PTPRQ: variants seen among roughly 807,000 people sequenced by gnomAD.
PTPRQ encodes protein tyrosine phosphatase receptor type Q, also known as phosphatidylinositol phosphatase PTPRQ.
In PTPRQ, 199 loss-of-function variants were observed where a neutral mutation model predicts 246.0. That is an observed-to-expected ratio of 0.81 (90% CI 0.72 to 0.91). The LOEUF (loss-of-function observed/expected upper bound fraction) is 0.91, where lower values mean the gene tolerates loss of function less well. Ranked by LOEUF, PTPRQ falls within the 40% of genes least tolerant of loss-of-function variation. PTPRQ has a pLI of 0.00. For missense variants in PTPRQ, 2,624 were observed against 2,528.4 expected, an observed-to-expected ratio of 1.04 and a Z score of -0.81; for synonymous variants, 869 against 853.2, an observed-to-expected ratio of 1.02 and a Z score of -0.32.
chr12:80,467,860 G>T (rs1335718800), intron 6 of PTPRQ, among the ~76,000 whole-genome samples: 2 of 152,096 alleles, frequency 1.3e-5, no homozygotes, highest in African/African-American at 4.8e-5. Context: ...ACTGTTGTGG[G>T]GTGGGGGCAG....
At position 80,644,490 on chromosome 12, in the gene PTPRQ, A is replaced by T. The variant is rs544138635; in HGVS notation, c.5916-4407A>T. On this transcript the variant is annotated intron_variant, in intron 35 of 44. Transcript: ENST00000644991. The stretch of plus-strand genomic sequence containing the variant: ...AACAGTTTTTTTTTAAGTTTTTAAA[A>T]TGTTAATAAAAAGTTTTCTATTTGA... 9.9e-5 allele frequency among the ~76,000 whole-genome samples: 15 copies of T among 152,210 alleles called. No homozygotes were observed. The South Asian group carries it at 2.9e-3, about 29-fold the overall frequency.
chr12:80,601,103 A>G (rs1358510235), intron 26 of PTPRQ, among the ~76,000 whole-genome samples: 1 of 151,852 alleles, frequency 6.6e-6, no homozygotes, highest in Non-Finnish European at 1.5e-5. Flanking sequence ...TGACCACTAT[A>G]TTTAAAATAG....
At position 80,466,737 on chromosome 12, in the gene PTPRQ, A is replaced by T. The variant is rs143175945; in HGVS notation, c.911-1973A>T. 8.2e-3 allele frequency among the ~76,000 whole-genome samples: 1,247 copies of T among 152,310 alleles called. 22 individuals carry two copies. The highest frequency in any genetic ancestry group is 0.028 in the African/African-American group (1,168 of 41,548). ...AACTATCTGATCTTTGACAAACCTG[A>T]GAAAAACAAGCAATGTGGAAAGGAT... On this transcript the variant is annotated intron_variant, in intron 6 of 44. Transcript: ENST00000644991.
At chr12:80,523,763 C>T (rs1472129738) in intron 17 of PTPRQ, among the ~76,000 whole-genome samples, 1 of 152,162 alleles carries the variant, frequency 6.6e-6, no homozygotes. Context: ...TTTACATTTG[C>T]TGAGGAGTGC....
At chr12:80,662,878 A>C (rs957160384) in intron 39 of PTPRQ, among the ~76,000 whole-genome samples, 15 of 152,078 alleles carry the variant, frequency 9.9e-5, no homozygotes, top group Non-Finnish European at 2.2e-4. Flanking sequence ...CCTCTCAGAA[A>C]AACTCAAAAG....
intron 8 of PTPRQ, among the ~76,000 whole-genome samples, chr12:80,479,639 G>A (rs11519744): frequency 0.097 from 11,981 of 123,136 alleles, 336 homozygotes; most frequent in African/African-American, 0.11. Flanking sequence ...CCCATCTCAC[G>A]TGCAGAGACA....
rs1894514344 is a variant in PTPRQ, at chr12:80,493,445, T to C, written c.1530T>C (p.Thr510=). The stretch of plus-strand genomic sequence containing the variant: ...CAAGGAATAGAGCTGAAGACCAGAC[T>C]TCACCAGTTGGTAGGTAGAATTTTG... ...FPARNRAEDQ[T]SPVVTTRNQY... is the part of the protein sequence containing the mutation. The change falls in exon 10 of 45, where the codon ACT becomes ACC. Residue 510 remains threonine, a synonymous_variant. Transcript: ENST00000644991. 6.5e-7 allele frequency: 1 copy of C among 1,548,166 alleles called. No homozygotes were observed.
rs1231205883 is a variant in PTPRQ at position 80,578,284 on chromosome 12, T to C, written c.4286-9845T>C. On this transcript the variant is annotated intron_variant, in intron 25 of 44. Transcript: ENST00000644991. Reference sequence around the variant, plus strand: ...CGCTTCCTGTGTCCATGTGTTCTCATTGTTCAGTTCCCACCTATGAGTGAG... The same window carrying C: ...CGCTTCCTGTGTCCATGTGTTCTCACTGTTCAGTTCCCACCTATGAGTGAG... Among the ~76,000 whole-genome samples the C allele has an allele frequency of 2.1e-5, 3 of 144,060 alleles. No homozygotes were observed. The East Asian group carries it at 6.4e-4, about 31-fold the overall frequency. 94.5% of individuals were successfully genotyped at this position (144,060 alleles called of 152,430 possible).
At chr12:80,452,777 T>G (rs1186081185) in intron 3 of PTPRQ, among the ~76,000 whole-genome samples, 2 of 152,196 alleles carry the variant, frequency 1.3e-5, no homozygotes, top group East Asian at 1.9e-4. Context: ...AACCCGACCT[T>G]TCTCTCTGGC....
intron 10 of PTPRQ, among the ~76,000 whole-genome samples, chr12:80,493,810 G>T (rs1449811986): frequency 6.6e-6 from 1 of 151,918 alleles, no homozygotes; most frequent in Non-Finnish European, 1.5e-5. Context: ...TTGACTAATA[G>T]GTTTTCAAGT....
chr12:80,603,356 T>C (rs1012705594), intron 26 of PTPRQ, among the ~76,000 whole-genome samples: 2 of 151,676 alleles, frequency 1.3e-5, no homozygotes, highest in Non-Finnish European at 3.0e-5. Flanking sequence ...AATAATTCTT[T>C]TCTCAAAAAC....
intron 37 of PTPRQ, among the ~76,000 whole-genome samples, chr12:80,650,394 A>G (rs1357214069): frequency 2.0e-5 from 3 of 152,000 alleles, no homozygotes; most frequent in Non-Finnish European, 2.9e-5. Context: ...TCTTCAAGCT[A>G]CTTTAAGAGT....
At chr12:80,487,410 C>A (rs546513151) in intron 9 of PTPRQ, among the ~76,000 whole-genome samples, 1 of 152,040 alleles carries the variant, frequency 6.6e-6, no homozygotes, top group Non-Finnish European at 1.5e-5. Context: ...GCCTAAAGAG[C>A]GGCTGACTTG....
At chr12:80,492,927 T>G (rs909806643) in intron 9 of PTPRQ, among the ~76,000 whole-genome samples, 23 of 151,944 alleles carry the variant, frequency 1.5e-4, no homozygotes, top group Non-Finnish European at 1.0e-4. Context: ...CTAGAACACT[T>G]ACCATTTGGG....
At chr12:80,668,417 A>G (rs1245272378) in intron 39 of PTPRQ, among the ~76,000 whole-genome samples, 1 of 151,914 alleles carries the variant, frequency 6.6e-6, no homozygotes, top group Non-Finnish European at 1.5e-5. Flanking sequence ...CAGACAGTAA[A>G]TGCCACTAGA....
intron 8 of PTPRQ, among the ~76,000 whole-genome samples, chr12:80,478,344 A>G (rs1439160619): frequency 6.6e-6 from 1 of 152,020 alleles, no homozygotes; most frequent in Non-Finnish European, 1.5e-5. Flanking sequence ...GAAAACTAAC[A>G]AACAGAAAGG....
chr12:80,479,747 C>G, intron 8 of PTPRQ, among the ~76,000 whole-genome samples: 1 of 151,120 alleles, frequency 6.6e-6, no homozygotes, highest in Non-Finnish European at 1.5e-5. Context: ...ATAAAACAGA[C>G]TTTAAACCAA....
intron 17 of PTPRQ, among the ~76,000 whole-genome samples, chr12:80,514,591 T>A (rs939472287): frequency 7.4e-6 from 1 of 135,384 alleles, no homozygotes; most frequent in Non-Finnish European, 1.6e-5. Context: ...TATTATATAA[T>A]ATATATAATA....
chr12:80,649,597 C>A lies in PTPRQ; in HGVS notation c.5952C>A (p.Ser1984Arg), dbSNP rs1476864925. Reference sequence around the variant, plus strand: ...CTTTCTTTACTTGGAGGCCAATAAGCAAGAAATCCTTCCTGCAACATGTTG... The same window carrying A: ...CTTTCTTTACTTGGAGGCCAATAAGAAAGAAATCCTTCCTGCAACATGTTG... ...LSYRKSIKPISKKSFLQHVEE... is the reference protein window; with the variant it reads ...LSYRKSIKPIRKKSFLQHVEE... Residue 1984 changes from serine (S) to arginine (R), a missense_variant, in exon 37 of 45, where the codon AGC becomes AGA. By Grantham distance (110) the Ser-to-Arg change is moderately radical (BLOSUM62 -1). Transcript: ENST00000644991. 2 of 1,549,174 alleles carry A rather than the reference C, an allele frequency of 1.3e-6. No individual in the cohort carries two copies. Among genetic ancestry groups the A allele is most frequent in the African/African-American group, 2.7e-5 (2 of 72,922 alleles).
Sources: gnomAD v4.1 joint callset for allele counts (sites outside exome capture counted in the v4.1 genomes callset) on GRCh38, gnomAD v4.1.1 for gene constraint, MANE v1.5 for transcripts, NCBI Gene and HGNC (gene_info 2026-07-23, HGNC 2026-07-21) for gene names.